The following PVT1 variants were observed in gnomAD, a reference collection of about 807,000 sequenced individuals.
PVT1 encodes CXCR4/PVT1 fusion.
At chr8:127,996,025 A>G (rs866021457) in intron 4 of PVT1, among the ~76,000 whole-genome samples, 8 of 152,140 alleles carry the variant, frequency 5.3e-5, no homozygotes, top group South Asian at 4.1e-4. Context: ...TCTTATTGCC[A>G]TTCCCCAAAG....
chr8:127,961,261 A>G (rs969448550), intron 3 of PVT1, among the ~76,000 whole-genome samples: 4 of 152,206 alleles, frequency 2.6e-5, no homozygotes, highest in African/African-American at 9.6e-5. Flanking sequence ...TGCCATAGGA[A>G]GACAAGATCA....
At chr8:127,828,172 T>G (rs1210601261) in intron 2 of PVT1, among the ~76,000 whole-genome samples, 4 of 152,202 alleles carry the variant, frequency 2.6e-5, no homozygotes, top group African/African-American at 9.6e-5. Context: ...TGGGTACATT[T>G]CAGTCAAGCC....
chr8:128,098,602 T>C (rs541857243), intron 6 of PVT1, among the ~76,000 whole-genome samples: 79 of 152,324 alleles, frequency 5.2e-4, no homozygotes, highest in African/African-American at 1.6e-3. Flanking sequence ...TGCCTCACTT[T>C]ACTTGTTTTT....
chr8:128,009,148 A>G (rs80050458), intron 4 of PVT1, among the ~76,000 whole-genome samples: 2,477 of 152,262 alleles, frequency 0.016, 62 homozygotes, highest in African/African-American at 0.056. Context: ...CATTAGCAGA[A>G]ACATTTTTGG....
At chr8:128,001,820 G>A (rs545567844) in intron 4 of PVT1, among the ~76,000 whole-genome samples, 39 of 152,260 alleles carry the variant, frequency 2.6e-4, no homozygotes, top group African/African-American at 5.8e-4. Flanking sequence ...TTCTTACCGC[G>A]TCCTCACATG....
intron 5 of PVT1, among the ~76,000 whole-genome samples, chr8:128,084,801 G>A (rs1488895340): frequency 1.3e-5 from 2 of 152,212 alleles, no homozygotes; most frequent in Non-Finnish European, 2.9e-5. Context: ...AGTGTTTGAG[G>A]TTCCAAAGTG....
At chr8:127,837,336 C>G (rs73355211) in intron 2 of PVT1, among the ~76,000 whole-genome samples, 1 of 151,580 alleles carries the variant, frequency 6.6e-6, no homozygotes, top group East Asian at 1.9e-4. Context: ...AAAAGAAGGC[C>G]GGGGGTGGGC....
chr8:127,932,069 C>T (rs1816212209), intron 3 of PVT1, among the ~76,000 whole-genome samples: 1 of 152,224 alleles, frequency 6.6e-6, no homozygotes, highest in Non-Finnish European at 1.5e-5. Flanking sequence ...GGGAACACCA[C>T]CATGGAGGGC....
chr8:128,072,060 T>C (rs574562837), intron 5 of PVT1, among the ~76,000 whole-genome samples: 16 of 152,340 alleles, frequency 1.1e-4, no homozygotes, highest in Non-Finnish European at 1.2e-4. Flanking sequence ...GTTGCCATTT[T>C]TTAAAATGAA....
chr8:127,919,802 A>G (rs541243220), intron 3 of PVT1, among the ~76,000 whole-genome samples: 1 of 152,340 alleles, frequency 6.6e-6, no homozygotes, highest in Admixed American at 6.5e-5. Flanking sequence ...AAGCCCTCGC[A>G]TGCAGGCCCA....
chr8:128,095,786 G>T (rs971475167), intron 5 of PVT1, among the ~76,000 whole-genome samples: 1 of 152,216 alleles, frequency 6.6e-6, no homozygotes, highest in Non-Finnish European at 1.5e-5. Context: ...GTTGCGGTCA[G>T]CCGCAAGTTG....
At chr8:127,933,230 C>T (rs966438150) in intron 3 of PVT1, among the ~76,000 whole-genome samples, 2 of 152,184 alleles carry the variant, frequency 1.3e-5, no homozygotes, top group Non-Finnish European at 2.9e-5. Flanking sequence ...CATGCGCCAC[C>T]ATATCTGGCT....
At chr8:127,840,738 G>A (rs10111710) in intron 2 of PVT1, among the ~76,000 whole-genome samples, 2,455 of 152,302 alleles carry the variant, frequency 0.016, 46 homozygotes, top group African/African-American at 0.04. Context: ...CCCCTAAGAG[G>A]GTGGCACCGA....
At chr8:127,981,607 G>A (rs1389114495) in intron 3 of PVT1, among the ~76,000 whole-genome samples, 1 of 152,208 alleles carries the variant, frequency 6.6e-6, no homozygotes, top group Admixed American at 6.5e-5. Context: ...TAACACCTCT[G>A]AAGTGGGAGG....
intron 2 of PVT1, among the ~76,000 whole-genome samples, chr8:127,888,868 C>T (rs774022460): frequency 6.6e-6 from 1 of 152,194 alleles, no homozygotes; most frequent in Non-Finnish European, 1.5e-5. Context: ...TAAGTGTGTG[C>T]TGTTTTATTT....
chr8:128,079,491 G>T (rs1052258741), intron 5 of PVT1, among the ~76,000 whole-genome samples: 5 of 151,908 alleles, frequency 3.3e-5, no homozygotes, highest in African/African-American at 1.2e-4. Context: ...GTTTACATTG[G>T]GCTTCACTCT....
intron 2 of PVT1, among the ~76,000 whole-genome samples, chr8:127,880,403 C>T (rs1276789130): frequency 1.3e-5 from 2 of 150,758 alleles, no homozygotes; most frequent in African/African-American, 2.4e-5. Context: ...CATTCTCCTG[C>T]CTCAGCCTCC....
intron 4 of PVT1, among the ~76,000 whole-genome samples, chr8:128,021,734 A>G (rs1817441307): frequency 6.6e-6 from 1 of 152,186 alleles, no homozygotes; most frequent in Admixed American, 6.5e-5. Flanking sequence ...AGAACCGAAT[A>G]AATACTCATT....
chr8:128,049,163 A>G (rs370875844), intron 4 of PVT1: 12 of 531,350 alleles, frequency 2.3e-5, no homozygotes, highest in African/African-American at 1.9e-4. Context: ...CAGGGCTGGC[A>G]GGGAGGCTGG....
Sources: gnomAD v4.1 joint callset for allele counts (sites outside exome capture counted in the v4.1 genomes callset) on GRCh38, gnomAD v4.1.1 for gene constraint, MANE v1.5 for transcripts, NCBI Gene and HGNC (gene_info 2026-07-23, HGNC 2026-07-21) for gene names.